Variants in SORBS2 observed in about 807,000 individuals in gnomAD.
SORBS2 encodes sorbin and SH3 domain-containing protein 2.
A neutral mutation model predicts 97.7 loss-of-function variants in SORBS2; 46 were observed. The ratio of observed to expected loss-of-function variants is 0.47; its 90% CI spans 0.37 to 0.60. The LOEUF (loss-of-function observed/expected upper bound fraction) is 0.60. Among genes scored for constraint, SORBS2 ranks in the 20% least tolerant of loss-of-function variants. SORBS2 has a pLI of 0.00. For synonymous variants in SORBS2, 476 were observed against 473.4 expected, an observed-to-expected ratio of 1.01 and a Z score of -0.07; for missense variants, 1,316 against 1,282.3, an observed-to-expected ratio of 1.03 and a Z score of -0.40.
intron 1 of SORBS2, among the ~76,000 whole-genome samples, chr4:185,781,893 T>C (rs2099032988): frequency 6.6e-6 from 1 of 152,244 alleles, no homozygotes; most frequent in Non-Finnish European, 1.5e-5. Context: ...TTTTTTTAAC[T>C]CGTAAAGAAT....
intron 1 of SORBS2, among the ~76,000 whole-genome samples, chr4:185,861,856 C>T (rs576719503): frequency 6.6e-6 from 1 of 152,256 alleles, no homozygotes; most frequent in Non-Finnish European, 1.5e-5. Context: ...CTCAGTCTCC[C>T]AAAGTGCTGG....
At chr4:185,919,859 G>C (rs1330708050) in intron 1 of SORBS2, among the ~76,000 whole-genome samples, 1 of 152,210 alleles carries the variant, frequency 6.6e-6, no homozygotes, top group Non-Finnish European at 1.5e-5. Flanking sequence ...CCAGCCTGAA[G>C]TGGCATATAT....
intron 2 of SORBS2, chr4:185,771,039 G>T (rs1297389143): frequency 1.5e-5 from 2 of 129,742 alleles, no homozygotes; most frequent in Non-Finnish European, 3.1e-5. Context: ...GGAGTGCAAT[G>T]GTGGGATCTT....
rs569297897 is a variant in SORBS2, at chr4:185,623,390, C to T, written c.1739G>A (p.Arg580Lys). The change falls in exon 7 of 15, where the codon AGA becomes AAA. Residue 580 changes from arginine (R) to lysine (K), a missense_variant. Physicochemically the swap from Arg to Lys is conservative, Grantham distance 26. Coordinates refer to ENST00000418609, the Ensembl canonical transcript of SORBS2. The surrounding 1 kb of genome is among the most constrained non-coding windows in gnomAD (Gnocchi z 6.4). ...CTCCTCGGTGTTTTCGTGTCTGGCT[C>T]TTTCGTGTTTTAACATTGTGGTAAA... 8.7e-6 allele frequency: 14 copies of T among 1,612,412 alleles called. No homozygotes were observed. In the African/African-American group the frequency reaches 1.9e-4, roughly 22 times the overall value.
At chr4:185,686,836 T>A (rs1318960751) in intron 2 of SORBS2, among the ~76,000 whole-genome samples, 2 of 152,196 alleles carry the variant, frequency 1.3e-5, no homozygotes, top group Non-Finnish European at 2.9e-5. Context: ...GCTGCACTGG[T>A]GCATTCATGA....
chr4:185,677,184 GT>G, intron 4 of SORBS2: 1 of 1,551,706 alleles, frequency 6.4e-7, no homozygotes, highest in Non-Finnish European at 8.7e-7. Context: ...TGGATTAGGG[GT>G]CAGTGAGCGG....
intron 5 of SORBS2, among the ~76,000 whole-genome samples, chr4:185,628,069 T>C (rs1289752060): frequency 6.6e-6 from 1 of 152,346 alleles, no homozygotes; most frequent in East Asian, 1.9e-4. Flanking sequence ...CCACAGTTTA[T>C]GTATCCATTC....
At chr4:185,697,153 A>G (rs2098187271) in intron 2 of SORBS2, among the ~76,000 whole-genome samples, 1 of 152,206 alleles carries the variant, frequency 6.6e-6, no homozygotes, top group African/African-American at 2.4e-5. Context: ...CTCCCCCGCT[A>G]GACAGCAAAG....
At chr4:185,820,063 T>G (rs2099195782) in intron 1 of SORBS2, among the ~76,000 whole-genome samples, 1 of 152,184 alleles carries the variant, frequency 6.6e-6, no homozygotes, top group Non-Finnish European at 1.5e-5. Flanking sequence ...ATTTTGTATC[T>G]TTGATTTATG....
intron 1 of SORBS2, among the ~76,000 whole-genome samples, chr4:185,858,403 A>G (rs2099221884): frequency 6.6e-6 from 1 of 152,210 alleles, no homozygotes; most frequent in Non-Finnish European, 1.5e-5. Flanking sequence ...TTGGTATTCT[A>G]TTAGAACAAC....
intron 1 of SORBS2, among the ~76,000 whole-genome samples, chr4:185,925,848 C>T (rs764627836): frequency 2.6e-5 from 4 of 152,096 alleles, no homozygotes; most frequent in Non-Finnish European, 5.9e-5. Flanking sequence ...GGTGACAGGG[C>T]GCTATAAGAA....
chr4:185,699,782 C>T (rs1373124504), intron 2 of SORBS2, among the ~76,000 whole-genome samples: 1 of 152,008 alleles, frequency 6.6e-6, no homozygotes, highest in African/African-American at 2.4e-5. Context: ...TAAAAGTAGA[C>T]AATAAAGACA....
At chr4:185,903,390 C>A (rs939306463) in intron 1 of SORBS2, among the ~76,000 whole-genome samples, 5 of 152,140 alleles carry the variant, frequency 3.3e-5, no homozygotes, top group African/African-American at 1.2e-4. Flanking sequence ...CATCATGATT[C>A]ATACATTTCT....
intron 1 of SORBS2, among the ~76,000 whole-genome samples, chr4:185,948,245 A>C (rs1260680224): frequency 6.6e-6 from 1 of 152,028 alleles, no homozygotes. Context: ...AGCTTGGTTT[A>C]CCTTGTTTTT....
chr4:185,777,747 A>G (rs146721772), intron 1 of SORBS2, among the ~76,000 whole-genome samples: 34 of 152,236 alleles, frequency 2.2e-4, no homozygotes, highest in Non-Finnish European at 4.1e-4. Flanking sequence ...GAGATGTCAT[A>G]TAAGTGTAAA....
At chr4:185,657,428 C>T (rs2097426081), upstream of SORBS2, 1 of 1,546,984 alleles carries the variant, frequency 6.5e-7, no homozygotes, top group Admixed American at 2.3e-5. Flanking sequence ...TCCTACCGTT[C>T]TAATTGCTGT....
chr4:185,665,162 G>A (rs1005641633), intron 4 of SORBS2, among the ~76,000 whole-genome samples: 4 of 152,042 alleles, frequency 2.6e-5, no homozygotes, highest in Admixed American at 2.0e-4. Context: ...TTTAAAAATC[G>A]TACAGCTAAA....
chr4:185,650,588 A>T (rs535579725), intron 2 of SORBS2, among the ~76,000 whole-genome samples: 37 of 152,304 alleles, frequency 2.4e-4, no homozygotes, highest in African/African-American at 8.9e-4. Flanking sequence ...ACAGTTATAA[A>T]AATTCTAAAT....
chr4:185,701,247 A>C (rs1009588254), intron 2 of SORBS2, among the ~76,000 whole-genome samples: 1 of 152,156 alleles, frequency 6.6e-6, no homozygotes, highest in Non-Finnish European at 1.5e-5. Flanking sequence ...TTGACTTCCC[A>C]ACTACACGAA....
Sources: allele counts gnomAD v4.1 joint callset (sites outside exome capture counted in the v4.1 genomes callset), GRCh38; gene constraint gnomAD v4.1.1; non-coding constraint Gnocchi (gnomAD v3.1); transcripts MANE v1.5; gene names NCBI Gene and HGNC (gene_info 2026-07-23, HGNC 2026-07-21).